Variants in ATF7IP observed in about 807,000 individuals in gnomAD.
ATF7IP encodes the protein activating transcription factor 7 interacting protein, also known as activating transcription factor 7-interacting protein 1.
A neutral mutation model predicts 106.4 loss-of-function variants in ATF7IP; 23 were observed. The ratio of observed to expected loss-of-function variants is 0.22; its 90% CI spans 0.16 to 0.31. The LOEUF is 0.31. ATF7IP is among the 10% of genes least tolerant of loss of function. The probability of loss-of-function intolerance (pLI) is 1.00; values close to 1 mark genes in which losing one functional copy is unlikely to be tolerated. For missense variants in ATF7IP, 1,334 were observed against 1,524.3 expected (o/e 0.88, Z 2.08); for synonymous variants, 542 against 539.0 (o/e 1.01, Z -0.08).
At chr12:14,491,756 G>C (rs1944832977) in intron 13 of ATF7IP, among the ~76,000 whole-genome samples, 1 of 152,216 alleles carries the variant, frequency 6.6e-6, no homozygotes, top group Non-Finnish European at 1.5e-5. Context: ...TGCACACCAG[G>C]TACTAGGAGA....
chr12:14,497,927 C>G lies in ATF7IP; in HGVS notation c.3667C>G (p.Pro1223Ala). The G allele has an allele frequency of 6.2e-7, 1 of 1,614,174 alleles. No homozygotes were observed. Among genetic ancestry groups the G allele is most frequent in the Non-Finnish European group, 8.5e-7 (1 of 1,180,036 alleles). ...WKKIGEVKAL[P>A]LPMACTLTQF... ...AAAGATTGGGGAAGTCAAGGCACTT[C>G]CCTTGCCCATGGCATGTACTCTCAC... Residue 1223 changes from proline to alanine, a missense_variant, in exon 15 of 15, where the codon CCC becomes GCC. This residue lies in a region of ATF7IP where 80 missense variants were observed against 157.0 expected (regional missense o/e 0.51). Coordinates refer to ENST00000261168, the MANE Select transcript of ATF7IP (RefSeq NM_018179.5).
At chr12:14,469,815 C>A (rs1204068508) in intron 10 of ATF7IP, among the ~76,000 whole-genome samples, 2 of 152,188 alleles carry the variant, frequency 1.3e-5, no homozygotes, top group Admixed American at 6.5e-5. Flanking sequence ...AGAGATCAGG[C>A]AAAGACTTCC....
chr12:14,452,364 CTTA>C (rs1466893897), intron 6 of ATF7IP, among the ~76,000 whole-genome samples: 2 of 152,042 alleles, frequency 1.3e-5, no homozygotes, highest in African/African-American at 2.4e-5. Context: ...TTGGAAGGGA[CTTA>C]TTGTTGTCAT....
intron 1 of ATF7IP, chr12:14,369,245 GTC>G (rs939846553): frequency 1.8e-4 from 27 of 152,074 alleles, no homozygotes; most frequent in African/African-American, 6.5e-4. Context: ...GAGCCACCAT[GTC>G]CAGCCTGTAC....
chr12:14,468,754 A>G (rs557755194), intron 10 of ATF7IP, among the ~76,000 whole-genome samples: 6 of 152,220 alleles, frequency 3.9e-5, no homozygotes, highest in Non-Finnish European at 8.8e-5. Context: ...CAGGAGTTTT[A>G]TTGTGTAATA....
intron 2 of ATF7IP, among the ~76,000 whole-genome samples, chr12:14,430,035 G>A (rs1475466508): frequency 6.6e-6 from 1 of 152,196 alleles, no homozygotes; most frequent in Non-Finnish European, 1.5e-5. Flanking sequence ...AATCACCTCA[G>A]AGTAAGTATA....
intron 11 of ATF7IP, among the ~76,000 whole-genome samples, chr12:14,476,674 G>A (rs1025545425): frequency 2.0e-5 from 3 of 151,926 alleles, no homozygotes; most frequent in Non-Finnish European, 2.9e-5. Context: ...TACATTAAAT[G>A]TTCTTTTTCT....
intron 5 of ATF7IP, 121 bp downstream of exon 5, chr12:14,438,388 G>C (rs920014742): frequency 9.6e-7 from 1 of 1,036,714 alleles, no homozygotes; most frequent in Non-Finnish European, 1.4e-6. Flanking sequence ...AGAAGGAAAA[G>C]GAGTTTGTTT....
intron 1 of ATF7IP, among the ~76,000 whole-genome samples, chr12:14,409,884 C>G (rs1464037193): frequency 6.6e-6 from 1 of 152,114 alleles, no homozygotes; most frequent in African/African-American, 2.4e-5. Flanking sequence ...GAAAAACACT[C>G]AACTGAAGTT....
intron 2 of ATF7IP, among the ~76,000 whole-genome samples, chr12:14,431,638 C>T (rs1178927960): frequency 6.6e-6 from 1 of 152,086 alleles, no homozygotes; most frequent in Non-Finnish European, 1.5e-5. Context: ...TTGTGATCCG[C>T]CCGCCTCGGC....
intron 1 of ATF7IP, among the ~76,000 whole-genome samples, chr12:14,376,607 G>A (rs1938746674): frequency 6.6e-6 from 1 of 152,174 alleles, no homozygotes. Context: ...CGCATCATCT[G>A]ACTTAATGAG....
At chr12:14,369,608 A>T (rs1350712938) in intron 1 of ATF7IP, among the ~76,000 whole-genome samples, 1 of 152,178 alleles carries the variant, frequency 6.6e-6, no homozygotes, top group Non-Finnish European at 1.5e-5. Flanking sequence ...CAGTGCTAGA[A>T]TTACAGGTGT....
chr12:14,403,583 A>G (rs1940385112), intron 1 of ATF7IP, among the ~76,000 whole-genome samples: 1 of 152,216 alleles, frequency 6.6e-6, no homozygotes, highest in Non-Finnish European at 1.5e-5. Context: ...AAATGGCTTC[A>G]GACTCTTTAT....
intron 1 of ATF7IP, among the ~76,000 whole-genome samples, chr12:14,372,682 C>G (rs1938577755): frequency 6.6e-6 from 1 of 152,008 alleles, no homozygotes; most frequent in African/African-American, 2.4e-5. Context: ...TAGTAACTAG[C>G]TGTATTTGGG....
chr12:14,382,558 G>C (rs1939042117), intron 1 of ATF7IP, among the ~76,000 whole-genome samples: 1 of 152,164 alleles, frequency 6.6e-6, no homozygotes, highest in South Asian at 2.1e-4. Flanking sequence ...CTGAACTGCA[G>C]ATGTTTTTAG....
chr12:14,486,270 T>G (rs569558637), intron 13 of ATF7IP, among the ~76,000 whole-genome samples: 11 of 152,168 alleles, frequency 7.2e-5, no homozygotes, highest in Non-Finnish European at 1.6e-4. Context: ...ATGCTTTGGG[T>G]CTCCTGGGAT....
chr12:14,390,206 C>T (rs1939468528), intron 1 of ATF7IP, among the ~76,000 whole-genome samples: 1 of 152,134 alleles, frequency 6.6e-6, no homozygotes, highest in Admixed American at 6.5e-5. Flanking sequence ...ACTTCTAACC[C>T]AAAAGAAAGT....
intron 13 of ATF7IP, among the ~76,000 whole-genome samples, chr12:14,494,284 AATAT>A (rs747194414): frequency 0.066 from 3,530 of 53,622 alleles, 189 homozygotes; most frequent in Non-Finnish European, 0.088. Flanking sequence ...GAGCTAATAG[AATAT>A]ATATATATAT....
intron 1 of ATF7IP, among the ~76,000 whole-genome samples, chr12:14,417,790 A>C (rs556711780): frequency 1.6e-4 from 25 of 152,296 alleles, no homozygotes; most frequent in Non-Finnish European, 2.6e-4. Flanking sequence ...ACTTATTTCA[A>C]ACAAAGAACC....
Sources: allele counts gnomAD v4.1 joint callset (sites outside exome capture counted in the v4.1 genomes callset), GRCh38; gene constraint gnomAD v4.1.1; regional missense constraint gnomAD v4.1.1; transcripts MANE v1.5; gene names NCBI Gene and HGNC (gene_info 2026-07-23, HGNC 2026-07-21).